Variants in PNPLA7 observed in about 807,000 individuals in gnomAD.
PNPLA7 encodes the protein patatin like domain 7, lysophospholipase, also known as patatin-like phospholipase domain-containing protein 7.
A neutral mutation model predicts 161.7 loss-of-function variants in PNPLA7; 153 were observed. That is an observed-to-expected ratio of 0.95 (90% CI 0.83 to 1.08). PNPLA7 has a LOEUF of 1.08. Among genes scored for constraint, PNPLA7 ranks in the 50% least tolerant of loss-of-function variants. PNPLA7 has a pLI of 0.00. For missense variants in PNPLA7, 1,739 were observed against 1,856.6 expected (o/e 0.94, Z 1.16); for synonymous variants, 809 against 782.1 (o/e 1.03, Z -0.57).
intron 13 of PNPLA7, 44 bp from the exon 14 acceptor site, chr9:137,505,804 G>A (rs532797739): frequency 2.0e-5 from 32 of 1,607,654 alleles, no homozygotes; most frequent in Non-Finnish European, 2.6e-5. Flanking sequence ...GGATGTGGTT[G>A]GGGAACATCG....
chr9:137,484,182 T>A (rs1486377784), intron 21 of PNPLA7, among the ~76,000 whole-genome samples: 2 of 152,108 alleles, frequency 1.3e-5, no homozygotes, highest in African/African-American at 4.8e-5. Context: ...CCTCCCAAAG[T>A]GCTGGGATTA....
intron 20 of PNPLA7, among the ~76,000 whole-genome samples, chr9:137,487,208 T>C (rs1427674236): frequency 6.6e-6 from 1 of 152,202 alleles, no homozygotes. Context: ...CATCTCTGCC[T>C]GGAGGTTGCA....
intron 9 of PNPLA7, among the ~76,000 whole-genome samples, chr9:137,522,470 G>C (rs545679236): frequency 1.3e-5 from 2 of 152,328 alleles, no homozygotes; most frequent in Admixed American, 1.3e-4. Context: ...GGTTACAGGC[G>C]TGAGCCGCCG....
Position 137,462,826 on chromosome 9 carries a change from C to A in PNPLA7, c.3351G>T (p.Val1117=). The part of the protein sequence containing the change: ...GGYINNLPAD[V]ARSMGAKVVI... ...CCACTTTTGCCCCCATGGACCGGGCCACATCCGCTAGGGAGAAGCCAGCCC... is the reference window on the plus strand; with the variant it reads ...CCACTTTTGCCCCCATGGACCGGGCAACATCCGCTAGGGAGAAGCCAGCCC... Residue 1117 remains valine (V), a synonymous_variant, in exon 30 of 35, where the codon GTG becomes GTT. Coordinates refer to ENST00000406427, the MANE Select transcript of PNPLA7 (RefSeq NM_001098537.3). The A allele has an allele frequency of 1.2e-6, 2 of 1,613,804 alleles. No homozygotes were observed. The highest frequency in any genetic ancestry group is 1.7e-6 in the Non-Finnish European group (2 of 1,179,932).
rs1387424235 is a variant in PNPLA7, at chr9:137,460,451, C to T, written c.3971G>A (p.Arg1324Gln). 6.2e-7 allele frequency: 1 copy of T among 1,612,636 alleles called. No homozygotes were observed. Residue 1324 changes from arginine to glutamine, a missense_variant, in exon 35 of 35, where the codon CGA (arginine) becomes CAA (glutamine). By Grantham distance (43) the Arg-to-Gln change is conservative. This residue lies in a region of PNPLA7 where 703 missense variants were observed against 694.6 expected (regional missense o/e 1.01). Coordinates refer to ENST00000406427, the MANE Select transcript of PNPLA7 (RefSeq NM_001098537.3). The stretch of plus-strand genomic sequence containing the variant: ...TTTTGGGAAAGCCAGACTGGGGTGT[C>T]GATGCCGCAGTGAGGACTCGTCCTC... ...DLEDESSLRHRHPSLAFPKLS... is the reference protein window; with the variant it reads ...DLEDESSLRHQHPSLAFPKLS...
At position 137,537,030 on chromosome 9, in the gene PNPLA7, C is replaced by T. The variant is rs1331407965; in HGVS notation, c.747+3612G>A. Among the ~76,000 whole-genome samples, 3 of 151,272 alleles carry T rather than the reference C, an allele frequency of 2.0e-5. No homozygotes were observed. The highest frequency in any genetic ancestry group is 2.0e-4 in the Admixed American group (3 of 15,182). On this transcript the variant is annotated intron_variant, in intron 8 of 34. Transcript: ENST00000406427. This position sits in a 1 kb window ranked among gnomAD's most constrained non-coding sequence, Gnocchi z 4.5. ...AACAGGAAGCATGGGGGCCATCCACCGAGCCACACTTTATCTCCCACAACA... is the reference window on the plus strand; with the variant it reads ...AACAGGAAGCATGGGGGCCATCCACTGAGCCACACTTTATCTCCCACAACA...
chr9:137,517,962 C>G (rs1270970112), intron 11 of PNPLA7, among the ~76,000 whole-genome samples: 1 of 106,680 alleles, frequency 9.4e-6, no homozygotes, highest in Non-Finnish European at 1.9e-5. Flanking sequence ...ACTCACTCCA[C>G]TCTGCTCACT....
At chr9:137,518,776 TC>T (rs1834807570) in intron 11 of PNPLA7, among the ~76,000 whole-genome samples, 1 of 43,322 alleles carries the variant, frequency 2.3e-5, no homozygotes, top group Non-Finnish European at 4.0e-5. Flanking sequence ...CTCTGTCCAC[TC>T]CATCCCCCAC....
intron 8 of PNPLA7, among the ~76,000 whole-genome samples, chr9:137,528,706 CTT>C (rs566053018): frequency 2.1e-5 from 3 of 141,582 alleles, no homozygotes; most frequent in African/African-American, 2.6e-5. Context: ...TTCTTCCAGC[CTT>C]TTTTTTTTTT....
intron 20 of PNPLA7, chr9:137,492,260 G>A: frequency 1.0e-6 from 1 of 985,268 alleles, no homozygotes; most frequent in Non-Finnish European, 1.2e-6. Context: ...GAGCACAGGA[G>A]AGAGAGCACT....
chr9:137,476,944 C>T lies in PNPLA7; in HGVS notation c.2882+1090G>A, dbSNP rs1389512769. Among the ~76,000 whole-genome samples, 1 of 152,252 alleles carries T rather than the reference C, an allele frequency of 6.6e-6. No homozygotes were observed. Among genetic ancestry groups the T allele is most frequent in the Non-Finnish European group, 1.5e-5 (1 of 68,052 alleles). On this transcript the variant is annotated intron_variant, in intron 25 of 34. Transcript: ENST00000406427. The surrounding 1 kb of genome is among the most constrained non-coding windows in gnomAD (Gnocchi z 4.5). Reference sequence around the variant, plus strand: ...ATCACCTAGAACAGCCCCAGGCTGACAGGGCCCTGCCCTGGGGCCAGCAGA... The same window carrying T: ...ATCACCTAGAACAGCCCCAGGCTGATAGGGCCCTGCCCTGGGGCCAGCAGA...
Position 137,460,201 on chromosome 9 carries a change from G to C in PNPLA7, c.*192C>G. Reference sequence around the variant, plus strand: ...AGGGGCCTCACAGGACTGCAGGGGGGCTCACAGGGCCCTGTATGCAGGGCT... The same window carrying C: ...AGGGGCCTCACAGGACTGCAGGGGGCCTCACAGGGCCCTGTATGCAGGGCT... On this transcript the variant is annotated 3_prime_UTR_variant, in exon 35 of 35. Transcript: ENST00000406427. 3.6e-6 allele frequency: 2 copies of C among 553,814 alleles called. No homozygotes were observed. The highest frequency in any genetic ancestry group is 2.2e-5 in the South Asian group (1 of 46,232). 34.3% of individuals were successfully genotyped at this position (553,814 alleles called of 1,614,324 possible). A position where few individuals can be genotyped will look rare whatever the true frequency, so the allele number is the denominator to read the frequency against.
At position 137,537,731 on chromosome 9, in the gene PNPLA7, C is replaced by T. The variant is rs759288926; in HGVS notation, c.747+2911G>A. Among the ~76,000 whole-genome samples the T allele has an allele frequency of 2.6e-5, 4 of 152,118 alleles. No individual in the cohort carries two copies. Among genetic ancestry groups the T allele is most frequent in the East Asian group, 1.9e-4 (1 of 5,192 alleles). On this transcript the variant is annotated intron_variant, in intron 8 of 34. Transcript: ENST00000406427. The surrounding 1 kb of genome is among the most constrained non-coding windows in gnomAD (Gnocchi z 4.5). ...CGGATCGCAGCAGCTGAGAGGAACC[C>T]GGCCCGTCTCAGCGCACAGCTCCCC...
chr9:137,545,112 G>A (rs1836425511), intron 4 of PNPLA7, among the ~76,000 whole-genome samples: 1 of 152,120 alleles, frequency 6.6e-6, no homozygotes, highest in African/African-American at 2.4e-5. Context: ...GGCCAGGGGA[G>A]GCCTCCGACA....
intron 25 of PNPLA7, 84 bp downstream of exon 25, chr9:137,477,950 C>A (rs549315224): frequency 1.8e-6 from 2 of 1,136,930 alleles, no homozygotes; most frequent in East Asian, 3.2e-5. Flanking sequence ...CCCTGTCCCC[C>A]GCACCCAGCA....
chr9:137,481,646 C>T (rs191942120), intron 21 of PNPLA7, among the ~76,000 whole-genome samples: 8 of 152,196 alleles, frequency 5.3e-5, no homozygotes, highest in Non-Finnish European at 1.0e-4. Flanking sequence ...GTGTGGGAAG[C>T]AGGGAGGTCT....
chr9:137,479,137 G>T lies in PNPLA7; in HGVS notation c.2682C>A (p.Leu894=), dbSNP rs553134934. 1.8e-5 allele frequency: 29 copies of T among 1,594,302 alleles called. No individual in the cohort carries two copies. In the East Asian group the frequency reaches 6.6e-4, roughly 36 times the overall value. The change falls in exon 24 of 35, where the codon CTC becomes CTA. Residue 894 remains leucine (L), a synonymous_variant. Coordinates refer to ENST00000406427, the MANE Select transcript of PNPLA7 (RefSeq NM_001098537.3). Reference sequence around the variant, plus strand: ...GGCCGGAGCACCAGCTCCGCATGTTGAGCCACTCCACGGTGCGCGCTGGCG... The same window carrying T: ...GGCCGGAGCACCAGCTCCGCATGTTTAGCCACTCCACGGTGCGCGCTGGCG... The part of the protein sequence containing the change: ...GPAPARTVEW[L]NMRSWCSGHL...
At chr9:137,526,379 G>A (rs1361343415) in intron 8 of PNPLA7, among the ~76,000 whole-genome samples, 2 of 152,110 alleles carry the variant, frequency 1.3e-5, no homozygotes, top group African/African-American at 2.4e-5. Flanking sequence ...CCGGGTTCAC[G>A]CCATTCTCCT....
At chr9:137,545,437 G>A (rs1836445419) in intron 4 of PNPLA7, among the ~76,000 whole-genome samples, 2 of 152,282 alleles carry the variant, frequency 1.3e-5, no homozygotes, top group African/African-American at 2.4e-5. Context: ...CACCCACTGG[G>A]CCCCAGTGAT....
Sources: allele counts gnomAD v4.1 joint callset (sites outside exome capture counted in the v4.1 genomes callset), GRCh38; gene constraint gnomAD v4.1.1; regional missense constraint gnomAD v4.1.1; non-coding constraint Gnocchi (gnomAD v3.1); transcripts MANE v1.5; gene names NCBI Gene and HGNC (gene_info 2026-07-23, HGNC 2026-07-21).